Variants in GALK2 observed in about 807,000 individuals in gnomAD.
GALK2 encodes N-acetylgalactosamine kinase.
GALK2 carries 36 observed loss-of-function variants against 52.4 expected under a neutral mutation model. That is an observed-to-expected ratio of 0.69 (90% CI 0.53 to 0.91). GALK2 has a LOEUF of 0.91. Among genes scored for constraint, GALK2 ranks in the 40% least tolerant of loss-of-function variants. The pLI, the probability that GALK2 is intolerant of heterozygous loss-of-function variation, is 0.00. For missense variants in GALK2, 579 were observed against 559.1 expected (o/e 1.04, Z -0.36); for synonymous variants, 176 against 199.1 (o/e 0.88, Z 0.98).
intron 9 of GALK2, among the ~76,000 whole-genome samples, chr15:49,322,084 T>C (rs190515985): frequency 1.3e-5 from 2 of 152,362 alleles, no homozygotes; most frequent in East Asian, 3.9e-4. Context: ...TTAAAAAATA[T>C]GGTTCTAGTG....
intron 8 of GALK2, among the ~76,000 whole-genome samples, chr15:49,312,647 T>G (rs1258713648): frequency 6.6e-6 from 1 of 152,210 alleles, no homozygotes; most frequent in African/African-American, 2.4e-5. Context: ...TATATCCTGT[T>G]GTTTGTGTCT....
chr15:49,174,792 A>G (rs1448168344), intron 1 of GALK2, among the ~76,000 whole-genome samples: 2 of 152,172 alleles, frequency 1.3e-5, no homozygotes, highest in East Asian at 3.8e-4. Flanking sequence ...TTTATAATTT[A>G]TGCATTGTAG....
intron 1 of GALK2, among the ~76,000 whole-genome samples, chr15:49,197,920 TG>T (rs1362868299): frequency 2.0e-5 from 3 of 152,216 alleles, no homozygotes; most frequent in African/African-American, 7.2e-5. Flanking sequence ...TTCTACTATC[TG>T]CTTTGTCAGT....
At chr15:49,308,441 A>G (rs1345589767) in intron 8 of GALK2, among the ~76,000 whole-genome samples, 2 of 152,164 alleles carry the variant, frequency 1.3e-5, no homozygotes, top group African/African-American at 4.8e-5. Context: ...GTACATGATA[A>G]AGATTTCCAG....
chr15:49,332,662 C>G (rs117275457), downstream of GALK2, among the ~76,000 whole-genome samples: 2 of 152,206 alleles, frequency 1.3e-5, no homozygotes, highest in Non-Finnish European at 2.9e-5. Context: ...CTATTAATTT[C>G]ACTGGCAATT....
chr15:49,338,018 C>A (rs1054417986), intron 3 of GALK2, among the ~76,000 whole-genome samples: 1 of 152,052 alleles, frequency 6.6e-6, no homozygotes, highest in African/African-American at 2.4e-5. Context: ...GTGTATATAC[C>A]CAGTAATGGG....
Position 49,351,414 on chromosome 15 carries a change from T to A in GALK2, c.427-16077T>A, listed in dbSNP as rs139718596. Among the ~76,000 whole-genome samples the A allele has an allele frequency of 6.4e-3, 968 of 152,252 alleles. 13 individuals carry two copies. The highest frequency in any genetic ancestry group is 0.022 in the African/African-American group (912 of 41,544). Reference sequence around the variant, plus strand: ...TGCAACTCCAAGTCATGACAGCAAATGAGATCTTACCATAGGACAATGTTG... The same window carrying A: ...TGCAACTCCAAGTCATGACAGCAAAAGAGATCTTACCATAGGACAATGTTG... On this transcript the variant is annotated intron_variant, in intron 3 of 3. Transcript: ENST00000558399.
At chr15:49,179,995 T>A (rs1401942340) in intron 1 of GALK2, among the ~76,000 whole-genome samples, 1 of 152,190 alleles carries the variant, frequency 6.6e-6, no homozygotes, top group Non-Finnish European at 1.5e-5. Context: ...CTTCCTTGTT[T>A]CCTTTTATAG....
At chr15:49,210,416 A>ATTTATTTTAT (rs1555404964) in intron 2 of GALK2, among the ~76,000 whole-genome samples, 4 of 148,648 alleles carry the variant, frequency 2.7e-5, no homozygotes, top group African/African-American at 7.5e-5. Flanking sequence ...TTAGTGGCTG[A>ATTTATTTTAT]TTTATTTTAT....
rs1201534039 is a variant in GALK2, at chr15:49,170,290, G to A, written c.-33G>A. ...CTCTGGGAGCTTTGCTTAGACACTT[G>A]AAACTACAGGAGAAAGAAGGATCTA... On this transcript the variant is annotated 5_prime_UTR_variant, in exon 1 of 10. Transcript: ENST00000560031. 5.7e-6 allele frequency: 9 copies of A among 1,565,808 alleles called. No homozygotes were observed. Among genetic ancestry groups the A allele is most frequent in the Non-Finnish European group, 6.9e-6 (8 of 1,154,890 alleles).
At chr15:49,349,673 C>A (rs1277174738) in intron 3 of GALK2, among the ~76,000 whole-genome samples, 8 of 152,090 alleles carry the variant, frequency 5.3e-5, no homozygotes, top group Admixed American at 5.2e-4. Flanking sequence ...CAGAAATATT[C>A]TAACTGTAAA....
At chr15:49,263,494 G>A (rs2092223330) in intron 5 of GALK2, among the ~76,000 whole-genome samples, 8 of 98,720 alleles carry the variant, frequency 8.1e-5, no homozygotes, top group Middle Eastern at 4.1e-3. Flanking sequence ...CCTGAATACA[G>A]CACACTGATG....
At chr15:49,195,814 G>C (rs188456735) in intron 1 of GALK2, among the ~76,000 whole-genome samples, 2 of 150,422 alleles carry the variant, frequency 1.3e-5, no homozygotes, top group Admixed American at 1.3e-4. Context: ...GCAAAAGAGA[G>C]GGGCTTTTTT....
Position 49,319,645 on chromosome 15 carries a change from A to G in GALK2, c.1009A>G (p.Ser337Gly), listed in dbSNP as rs374804284. The G allele has an allele frequency of 5.6e-6, 9 of 1,614,064 alleles. No individual in the cohort carries two copies. The African/African-American group carries it at 6.7e-5, about 12-fold the overall frequency. ...KLYQRAKHVY[S>G]EAARVLQFKK... ...CTATCAGCGGGCAAAGCATGTGTAC[A>G]GCGAGGCTGCGCGAGTGCTCCAGTT... is the stretch of plus-strand genomic sequence containing the variant. Residue 337 changes from serine (S) to glycine (G), a missense_variant, in exon 9 of 10, where the codon AGC (serine) becomes GGC (glycine). Transcript: ENST00000560031.
At chr15:49,183,831 G>A (rs2086151125) in intron 1 of GALK2, among the ~76,000 whole-genome samples, 1 of 136,904 alleles carries the variant, frequency 7.3e-6, no homozygotes, top group Non-Finnish European at 1.6e-5. Flanking sequence ...CAACAAGAAT[G>A]AAACTTTGTC....
chr15:49,367,721 A>T (rs1295157022), exon 4 of GALK2: 1 of 1,034,882 alleles, frequency 9.7e-7, no homozygotes. Flanking sequence ...ATATTAAAAT[A>T]AAGGAAATTC....
At chr15:49,300,187 G>C (rs961155665) in intron 8 of GALK2, among the ~76,000 whole-genome samples, 2 of 152,028 alleles carry the variant, frequency 1.3e-5, no homozygotes, top group Non-Finnish European at 2.9e-5. Flanking sequence ...TTATCATTAT[G>C]TAATGCCCAT....
chr15:49,322,648 T>C (rs895666238), intron 9 of GALK2, among the ~76,000 whole-genome samples: 2 of 152,120 alleles, frequency 1.3e-5, no homozygotes, highest in African/African-American at 4.8e-5. Context: ...CAGTCTATTC[T>C]CTACTTTCAA....
chr15:49,223,738 C>A (rs1033547228), intron 3 of GALK2, among the ~76,000 whole-genome samples: 37 of 152,190 alleles, frequency 2.4e-4, no homozygotes, highest in Non-Finnish European at 1.3e-4. Context: ...TTTATGGCTG[C>A]ATAGTATTCC....
Sources: allele counts gnomAD v4.1 joint callset (sites outside exome capture counted in the v4.1 genomes callset), GRCh38; gene constraint gnomAD v4.1.1; transcripts MANE v1.5; gene names NCBI Gene and HGNC (gene_info 2026-07-23, HGNC 2026-07-21).